The following NFATC2 variants were observed in gnomAD, a reference collection of about 807,000 sequenced individuals.
NFATC2 encodes the protein nuclear factor of activated T-cells, cytoplasmic 2.
In NFATC2, 22 loss-of-function variants were observed where a neutral mutation model predicts 87.3. That is an observed-to-expected ratio of 0.25 (90% CI 0.18 to 0.36). The LOEUF (loss-of-function observed/expected upper bound fraction) is 0.36. NFATC2 is among the 10% of genes least tolerant of loss of function. The pLI is 1.00. For synonymous variants in NFATC2, 565 were observed against 542.2 expected (o/e 1.04, Z -0.58); for missense variants, 1,149 against 1,259.1 (o/e 0.91, Z 1.32).
At chr20:51,491,331 T>C (rs1337542071) in intron 3 of NFATC2, among the ~76,000 whole-genome samples, 1 of 151,844 alleles carries the variant, frequency 6.6e-6, no homozygotes, top group Non-Finnish European at 1.5e-5. Context: ...AAAAATGTAA[T>C]GTATTTTCCC....
chr20:51,436,380 T>A (rs1350776731), intron 6 of NFATC2, among the ~76,000 whole-genome samples: 3 of 148,918 alleles, frequency 2.0e-5, no homozygotes, highest in Admixed American at 1.4e-4. Context: ...TGTATCTGAA[T>A]GTCTATCTTT....
chr20:51,435,239 T>C lies in NFATC2; in HGVS notation c.1981A>G (p.Ile661Val), dbSNP rs778418629. 1 of 1,614,192 alleles carries C rather than the reference T, an allele frequency of 6.2e-7. No homozygotes were observed. The highest frequency in any genetic ancestry group is 8.5e-7 in the Non-Finnish European group (1 of 1,180,032). The change falls in exon 8 of 11, where the codon ATC (isoleucine) becomes GTC (valine). Residue 661 changes from isoleucine (I) to valine (V), a missense_variant. Around this residue, in one of 3 missense-constraint regions of NFATC2, gnomAD observed 581 missense variants for 649.7 expected, o/e 0.89. Coordinates refer to ENST00000371564, the MANE Select transcript of NFATC2 (RefSeq NM_012340.5). ...RTPVKVNFYVINGKRKRSQPQ... is the reference protein window; with the variant it reads ...RTPVKVNFYVVNGKRKRSQPQ... ...TGACTTCGTTTTCTCTTCCCATTGATGACGTAGAAGTTCACTTTTACAGGT... is the reference window on the plus strand; with the variant it reads ...TGACTTCGTTTTCTCTTCCCATTGACGACGTAGAAGTTCACTTTTACAGGT...
chr20:51,514,692 G>A (rs1232292463), intron 3 of NFATC2, among the ~76,000 whole-genome samples: 1 of 152,102 alleles, frequency 6.6e-6, no homozygotes, highest in Non-Finnish European at 1.5e-5. Flanking sequence ...GACCAATATA[G>A]TGAAACCCTG....
In NFATC2 at chr20:51,390,728, ATAACT is replaced by A. The variant is rs1986229408; in HGVS notation, c.*763_*767del. On this transcript the variant is annotated 3_prime_UTR_variant, in exon 11 of 11. Transcript: ENST00000371564. Reference sequence around the variant, plus strand: ...ATAATAACAAACGCGTATACATGTCATAACTTAACGCCAAGAAGTCTTAACAGGTG... The same window carrying A: ...ATAATAACAAACGCGTATACATGTCATAACGCCAAGAAGTCTTAACAGGTG... 6.2e-6 allele frequency: 1 copy of A among 160,208 alleles called. No homozygotes were observed. The highest frequency in any genetic ancestry group is 2.4e-5 in the African/African-American group (1 of 41,530). 9.9% of individuals were successfully genotyped at this position (160,208 alleles called of 1,614,324 possible). A position where few individuals can be genotyped will look rare whatever the true frequency, so the allele number is the denominator to read the frequency against.
At chr20:51,438,328 A>G (rs933123004) in intron 6 of NFATC2, among the ~76,000 whole-genome samples, 2 of 151,984 alleles carry the variant, frequency 1.3e-5, no homozygotes, top group African/African-American at 4.8e-5. Flanking sequence ...GGAAATGGCA[A>G]CATGTTGATG....
At chr20:51,397,818 G>A (rs1987410812) in intron 10 of NFATC2, among the ~76,000 whole-genome samples, 2 of 152,142 alleles carry the variant, frequency 1.3e-5, no homozygotes, top group Non-Finnish European at 2.9e-5. Context: ...AAGATGGGCT[G>A]GGCACTGTGT....
chr20:51,488,729 A>G (rs973280040), intron 3 of NFATC2, among the ~76,000 whole-genome samples: 4 of 152,094 alleles, frequency 2.6e-5, no homozygotes, highest in Non-Finnish European at 5.9e-5. Context: ...CAGCACTGTC[A>G]TCTCTCACCT....
intron 1 of NFATC2, among the ~76,000 whole-genome samples, chr20:51,532,379 G>A (rs1201236182): frequency 1.3e-5 from 2 of 151,948 alleles, no homozygotes; most frequent in Non-Finnish European, 2.9e-5. Flanking sequence ...CCTGGATGGC[G>A]ACACCCTGAC....
intron 9 of NFATC2, among the ~76,000 whole-genome samples, chr20:51,424,815 A>C (rs1981518659): frequency 1.3e-5 from 2 of 152,044 alleles, no homozygotes; most frequent in South Asian, 4.1e-4. Context: ...GAAAATAAGA[A>C]TACATGTGTA....
At chr20:51,554,554 A>G (rs934341570) in intron 1 of NFATC2, among the ~76,000 whole-genome samples, 1 of 152,246 alleles carries the variant, frequency 6.6e-6, no homozygotes. Flanking sequence ...GGAAGCTAAC[A>G]GGAACTGACC....
At chr20:51,542,756 G>GGGGC (rs2076845179), upstream of NFATC2, 1 of 210,488 alleles carries the variant, frequency 4.8e-6, no homozygotes, top group Non-Finnish European at 6.7e-6. Context: ...AGGCGGGGGG[G>GGGGC]GGGGGGGCGT....
intron 6 of NFATC2, among the ~76,000 whole-genome samples, chr20:51,442,796 G>C (rs1192930423): frequency 2.0e-5 from 3 of 151,510 alleles, no homozygotes; most frequent in African/African-American, 7.3e-5. Context: ...CACAGCCTGA[G>C]AGGGAGGCTG....
At chr20:51,474,224 C>T in intron 4 of NFATC2, 72 bp from the exon 5 acceptor site, 1 of 1,560,704 alleles carries the variant, frequency 6.4e-7, no homozygotes, top group Admixed American at 1.8e-5. Flanking sequence ...CCAAAGCTGC[C>T]AGTCTACAGC....
At position 51,480,953 on chromosome 20, in the gene NFATC2, A is replaced by G. The variant is rs532710204; in HGVS notation, c.1333-5293T>C. Among the ~76,000 whole-genome samples the G allele has an allele frequency of 2.0e-5, 3 of 152,342 alleles. No homozygotes were observed. Among genetic ancestry groups the G allele is most frequent in the South Asian group, 2.1e-4 (1 of 4,822 alleles). On this transcript the variant is annotated intron_variant, in intron 3 of 10. Transcript: ENST00000371564. This position sits in a 1 kb window ranked among gnomAD's most constrained non-coding sequence, Gnocchi z 4.2. ...GAAGGCCTCCCATATGGGAAAGCCC[A>G]GGCACTAATTGCAGTCTTCTCAGTG...
chr20:51,420,269 A>G (rs1416276992), intron 9 of NFATC2, among the ~76,000 whole-genome samples: 1 of 152,222 alleles, frequency 6.6e-6, no homozygotes, highest in African/African-American at 2.4e-5. Context: ...GCACCACTGA[A>G]TTAATGGAGC....
intron 1 of NFATC2, among the ~76,000 whole-genome samples, chr20:51,553,624 C>T (rs1343011946): frequency 5.6e-5 from 8 of 143,868 alleles, no homozygotes; most frequent in East Asian, 2.1e-4. Flanking sequence ...TGCAGTGAGC[C>T]GAGATCATGC....
At position 51,542,585 on chromosome 20, in the gene NFATC2, G is replaced by T. The variant is rs574115554; in HGVS notation, c.-86C>A. ...ACCCCTCGCAGTGGGGCTGGCGGAG[G>T]CGGCTCGAGCGGCGGGGTCCCTTTC... is the stretch of plus-strand genomic sequence containing the variant. On this transcript the variant is annotated 5_prime_UTR_variant, in exon 1 of 11. Coordinates refer to ENST00000371564, the MANE Select transcript of NFATC2 (RefSeq NM_012340.5). 24 of 1,249,356 alleles carry T rather than the reference G, an allele frequency of 1.9e-5. 1 individual carries two copies. The South Asian group carries it at 8.0e-4, about 42-fold the overall frequency. 77.4% of individuals were successfully genotyped at this position (1,249,356 alleles called of 1,614,324 possible).
At chr20:51,398,207 C>T (rs1034494964) in intron 10 of NFATC2, among the ~76,000 whole-genome samples, 15 of 152,098 alleles carry the variant, frequency 9.9e-5, no homozygotes, top group Non-Finnish European at 1.8e-4. Flanking sequence ...AAGCACAGGG[C>T]GGGGCTTCCT....
At chr20:51,554,588 A>G (rs939365151) in intron 1 of NFATC2, among the ~76,000 whole-genome samples, 1 of 152,254 alleles carries the variant, frequency 6.6e-6, no homozygotes, top group East Asian at 1.9e-4. Flanking sequence ...TGAGAGCGTC[A>G]CAGACACGAT....
Sources: gnomAD v4.1 joint callset for allele counts (sites outside exome capture counted in the v4.1 genomes callset) on GRCh38, gnomAD v4.1.1 for gene constraint, gnomAD v4.1.1 regional missense constraint, Gnocchi (gnomAD v3.1) non-coding constraint, MANE v1.5 for transcripts, NCBI Gene and HGNC (gene_info 2026-07-23, HGNC 2026-07-21) for gene names.